The following GRID2 variants were observed in gnomAD, a reference collection of about 807,000 sequenced individuals.
GRID2 encodes glutamate receptor ionotropic, delta-2.
In GRID2, 33 loss-of-function variants were observed where a neutral mutation model predicts 114.8. The observed-to-expected ratio is 0.29, with a 90% confidence interval of 0.22 to 0.38. The LOEUF is 0.38. Among genes scored for constraint, GRID2 ranks in the 10% least tolerant of loss-of-function variants. The pLI, the probability that GRID2 is intolerant of heterozygous loss-of-function variation, is 1.00. For synonymous variants in GRID2, 505 were observed against 449.9 expected, an observed-to-expected ratio of 1.12 and a Z score of -1.55; for missense variants, 1,184 against 1,257.7, an observed-to-expected ratio of 0.94 and a Z score of 0.89.
At chr4:92,347,070 C>T (rs1469877436) in intron 1 of GRID2, among the ~76,000 whole-genome samples, 1 of 152,148 alleles carries the variant, frequency 6.6e-6, no homozygotes, top group Non-Finnish European at 1.5e-5. Flanking sequence ...AAGTTTATTT[C>T]TCTCTTATTC....
intron 1 of GRID2, among the ~76,000 whole-genome samples, chr4:92,586,171 G>A (rs1728429941): frequency 6.6e-6 from 1 of 151,772 alleles, no homozygotes; most frequent in Admixed American, 6.6e-5. Flanking sequence ...CTACCTCTGT[G>A]GTAGAGGAAA....
chr4:92,872,280 T>C (rs1745332093), intron 2 of GRID2, among the ~76,000 whole-genome samples: 1 of 152,122 alleles, frequency 6.6e-6, no homozygotes, highest in East Asian at 1.9e-4. Flanking sequence ...AGAAAGCTGT[T>C]CAAATGTAAT....
intron 1 of GRID2, among the ~76,000 whole-genome samples, chr4:92,438,686 A>G (rs1214853011): frequency 1.3e-5 from 2 of 151,840 alleles, no homozygotes; most frequent in Non-Finnish European, 2.9e-5. Flanking sequence ...CATGGAATCT[A>G]TTTAACTAGT....
intron 2 of GRID2, among the ~76,000 whole-genome samples, chr4:93,009,379 T>C (rs571578314): frequency 6.6e-6 from 1 of 152,162 alleles, no homozygotes; most frequent in African/African-American, 2.4e-5. Context: ...AGAGGATAGA[T>C]AGAAGGATGC....
At chr4:93,589,754 G>A (rs1737981500) in intron 13 of GRID2, among the ~76,000 whole-genome samples, 1 of 152,126 alleles carries the variant, frequency 6.6e-6, no homozygotes, top group African/African-American at 2.4e-5. Flanking sequence ...TCTAACTGGT[G>A]TGAGATGGTA....
At chr4:92,627,677 A>G (rs1047075584) in intron 2 of GRID2, among the ~76,000 whole-genome samples, 1 of 152,084 alleles carries the variant, frequency 6.6e-6, no homozygotes, top group African/African-American at 2.4e-5. Context: ...ATTTCTTCTG[A>G]TATGTTTTCT....
chr4:92,611,488 G>A (rs1729742862), intron 2 of GRID2, among the ~76,000 whole-genome samples: 1 of 151,506 alleles, frequency 6.6e-6, no homozygotes, highest in Admixed American at 6.6e-5. Context: ...TAGAGGCCCT[G>A]TATTAAAATT....
intron 1 of GRID2, among the ~76,000 whole-genome samples, chr4:92,585,695 G>C (rs1487799481): frequency 6.6e-6 from 1 of 151,780 alleles, no homozygotes; most frequent in African/African-American, 2.4e-5. Flanking sequence ...GAAATTATGT[G>C]CAGGATGAAC....
intron 1 of GRID2, among the ~76,000 whole-genome samples, chr4:92,489,262 A>T (rs953198755): frequency 1.4e-4 from 21 of 152,202 alleles, no homozygotes; most frequent in African/African-American, 4.6e-4. Flanking sequence ...AAAACTCAAC[A>T]GAAATAATTA....
intron 8 of GRID2, among the ~76,000 whole-genome samples, chr4:93,360,042 T>A (rs1761746454): frequency 6.6e-6 from 1 of 151,684 alleles, no homozygotes; most frequent in African/African-American, 2.4e-5. Context: ...AAATCTTCTT[T>A]AAAAATAGCT....
chr4:92,943,815 C>T (rs1041709210), intron 2 of GRID2, among the ~76,000 whole-genome samples: 2 of 152,196 alleles, frequency 1.3e-5, no homozygotes, highest in Admixed American at 6.5e-5. Context: ...CCCTCAGCTG[C>T]AGGTCTGTTG....
chr4:92,920,325 T>C (rs1300099627), intron 2 of GRID2, among the ~76,000 whole-genome samples: 1 of 152,254 alleles, frequency 6.6e-6, no homozygotes, highest in Non-Finnish European at 1.5e-5. Flanking sequence ...TGTGTTTTAA[T>C]TGGAGCATTT....
At chr4:92,613,183 T>G (rs946281239) in intron 2 of GRID2, among the ~76,000 whole-genome samples, 3 of 151,456 alleles carry the variant, frequency 2.0e-5, no homozygotes, top group Non-Finnish European at 4.4e-5. Context: ...GGTGATCATG[T>G]GGTTTTTATC....
At chr4:93,031,060 G>A (rs1338126447) in intron 2 of GRID2, among the ~76,000 whole-genome samples, 6 of 120,216 alleles carry the variant, frequency 5.0e-5, no homozygotes, top group Non-Finnish European at 8.2e-5. Flanking sequence ...TTTTTGACAT[G>A]GAGTCTCGCT....
intron 2 of GRID2, among the ~76,000 whole-genome samples, chr4:92,832,619 C>T (rs898833650): frequency 1.3e-5 from 2 of 152,088 alleles, no homozygotes; most frequent in Non-Finnish European, 2.9e-5. Context: ...GTCTCAAAAT[C>T]CCGACCTCAG....
intron 8 of GRID2, among the ~76,000 whole-genome samples, chr4:93,266,784 TG>T (rs777443560): frequency 6.3e-4 from 96 of 152,164 alleles, no homozygotes; most frequent in Admixed American, 9.8e-4. Context: ...GCTTTATGAA[TG>T]AAAGCCCAGA....
intron 2 of GRID2, among the ~76,000 whole-genome samples, chr4:92,988,959 C>T (rs1016819472): frequency 1.3e-5 from 2 of 152,078 alleles, no homozygotes; most frequent in Admixed American, 6.6e-5. Context: ...AATTTCTAAA[C>T]ATATAAACAA....
chr4:93,130,396 G>C (rs1027175118), intron 4 of GRID2, among the ~76,000 whole-genome samples: 1 of 152,078 alleles, frequency 6.6e-6, no homozygotes, highest in Non-Finnish European at 1.5e-5. Flanking sequence ...AGCCATGTTC[G>C]CACCACCACA....
intron 2 of GRID2, among the ~76,000 whole-genome samples, chr4:92,704,621 A>T (rs1403544669): frequency 6.6e-6 from 1 of 151,966 alleles, no homozygotes; most frequent in Non-Finnish European, 1.5e-5. Context: ...GATGATGGAG[A>T]CCTTTCTTTA....
Sources: gnomAD v4.1 joint callset for allele counts (sites outside exome capture counted in the v4.1 genomes callset) on GRCh38, gnomAD v4.1.1 for gene constraint, MANE v1.5 for transcripts, NCBI Gene and HGNC (gene_info 2026-07-23, HGNC 2026-07-21) for gene names.